The following SNTG2 variants were observed in gnomAD, a reference collection of about 807,000 sequenced individuals.
SNTG2 encodes syntrophin gamma 2.
In SNTG2, 74 loss-of-function variants were observed where a neutral mutation model predicts 70.9. The ratio of observed to expected loss-of-function variants is 1.04; its 90% CI spans 0.86 to 1.27. SNTG2 has a LOEUF of 1.27. Ranked by LOEUF, SNTG2 falls within the 50% of genes most tolerant of loss-of-function variation. SNTG2 has a pLI of 0.00. For synonymous variants in SNTG2, 278 were observed against 273.8 expected (o/e 1.02, Z -0.15); for missense variants, 717 against 690.7 (o/e 1.04, Z -0.43).
intron 1 of SNTG2, among the ~76,000 whole-genome samples, chr2:1,080,982 A>T (rs1664251056): frequency 6.6e-6 from 1 of 152,076 alleles, no homozygotes; most frequent in South Asian, 2.1e-4. Flanking sequence ...TGTCAGTCAT[A>T]GTAACTGGCA....
chr2:997,698 A>T (rs1414803003), intron 1 of SNTG2, among the ~76,000 whole-genome samples: 1 of 152,184 alleles, frequency 6.6e-6, no homozygotes, highest in Non-Finnish European at 1.5e-5. Context: ...AGCTCTGCCA[A>T]ACATAGACCC....
At chr2:1,185,038 A>G (rs1295503294) in intron 8 of SNTG2, among the ~76,000 whole-genome samples, 1 of 152,242 alleles carries the variant, frequency 6.6e-6, no homozygotes, top group Admixed American at 6.5e-5. Context: ...GGCATTGGGT[A>G]AATACACCCA....
At chr2:1,303,168 C>T (rs1680531442) in intron 14 of SNTG2, among the ~76,000 whole-genome samples, 1 of 152,160 alleles carries the variant, frequency 6.6e-6, no homozygotes, top group African/African-American at 2.4e-5. Flanking sequence ...ATGGAATCCC[C>T]CCACCACATA....
intron 1 of SNTG2, among the ~76,000 whole-genome samples, chr2:1,020,638 A>G (rs1438263352): frequency 1.3e-5 from 2 of 152,122 alleles, no homozygotes; most frequent in African/African-American, 4.8e-5. Flanking sequence ...TCCATATTCA[A>G]TTACTAATAT....
chr2:1,298,235 A>G (rs763666749), intron 14 of SNTG2, among the ~76,000 whole-genome samples: 16 of 151,670 alleles, frequency 1.1e-4, no homozygotes, highest in Non-Finnish European at 2.4e-4. Context: ...CAGGCTCAAG[A>G]GAGTCTCGTG....
At chr2:1,007,879 T>C (rs62104284) in intron 1 of SNTG2, among the ~76,000 whole-genome samples, 12,160 of 152,212 alleles carry the variant, frequency 0.08, 678 homozygotes, top group South Asian at 0.21. Context: ...CTCAGCTTCC[T>C]GAATAGCTGG....
intron 2 of SNTG2, 151 bp from the exon 3 acceptor site, chr2:1,098,045 A>ATTACTGTC: frequency 1.3e-6 from 1 of 785,508 alleles, no homozygotes; most frequent in Admixed American, 2.2e-5. Context: ...TAAAGATTTG[A>ATTACTGTC]AATAGTGTCA....
chr2:1,143,895 A>AC (rs1668926597), intron 6 of SNTG2, among the ~76,000 whole-genome samples: 1 of 131,492 alleles, frequency 7.6e-6, no homozygotes, highest in African/African-American at 3.0e-5. Flanking sequence ...ACCCCCCCCC[A>AC]GAAAAAGAAA....
In SNTG2 at chr2:1,221,835, C is replaced by A. The variant is rs1349465840; in HGVS notation, c.719+12605C>A. Among the ~76,000 whole-genome samples the A allele has an allele frequency of 8.4e-4, 7 of 8,356 alleles. 1 individual carries two copies. The highest frequency in any genetic ancestry group is 3.0e-3 in the Admixed American group (2 of 674). 5.5% of individuals were successfully genotyped at this position (8,356 alleles called of 152,430 possible). Reference sequence around the variant, plus strand: ...TCTCGGTCTCTGTCTCTCTCTGTCTCTCTCTGTCTCTGTCTCTGTCTCTGT... The same window carrying A: ...TCTCGGTCTCTGTCTCTCTCTGTCTATCTCTGTCTCTGTCTCTGTCTCTGT... On this transcript the variant is annotated intron_variant, in intron 9 of 16. Transcript: ENST00000308624.
intron 1 of SNTG2, among the ~76,000 whole-genome samples, chr2:998,854 ATG>A (rs1661777995): frequency 6.6e-6 from 1 of 152,116 alleles, no homozygotes; most frequent in Non-Finnish European, 1.5e-5. Flanking sequence ...TCCAAAGACA[ATG>A]TGAAGAAAAA....
chr2:1,283,256 C>A (rs1355460440), intron 14 of SNTG2, among the ~76,000 whole-genome samples: 1 of 152,192 alleles, frequency 6.6e-6, no homozygotes, highest in Non-Finnish European at 1.5e-5. Context: ...AGTCACCTCT[C>A]ACCAATCTTC....
chr2:1,064,302 T>C (rs1663012809), intron 1 of SNTG2, among the ~76,000 whole-genome samples: 1 of 151,966 alleles, frequency 6.6e-6, no homozygotes, highest in Admixed American at 6.6e-5. Context: ...TACTTCAGAC[T>C]GAAAGGAAAT....
intron 4 of SNTG2, among the ~76,000 whole-genome samples, chr2:1,123,706 T>A (rs13420844): frequency 0.47 from 71,441 of 152,072 alleles, 17,777 homozygotes; most frequent in East Asian, 0.66. Context: ...AATAGATAAA[T>A]TGGACTACAT....
intron 15 of SNTG2, among the ~76,000 whole-genome samples, chr2:1,310,211 T>C (rs1680912082): frequency 6.6e-6 from 1 of 152,206 alleles, no homozygotes; most frequent in African/African-American, 2.4e-5. Context: ...GTCCCTCCAC[T>C]GGAAGGAGCC....
At chr2:1,326,805 C>G (rs774412549) in intron 16 of SNTG2, among the ~76,000 whole-genome samples, 3 of 152,136 alleles carry the variant, frequency 2.0e-5, no homozygotes, top group Non-Finnish European at 4.4e-5. Flanking sequence ...ATAAAATTTT[C>G]ATAAATATTT....
At chr2:1,131,897 G>A (rs528080785) in intron 4 of SNTG2, among the ~76,000 whole-genome samples, 8 of 152,112 alleles carry the variant, frequency 5.3e-5, no homozygotes, top group East Asian at 1.9e-4. Context: ...TGATCCGCCC[G>A]CCTCAGCCTC....
intron 1 of SNTG2, among the ~76,000 whole-genome samples, chr2:1,070,324 C>G (rs1663447642): frequency 6.6e-6 from 1 of 152,050 alleles, no homozygotes; most frequent in Non-Finnish European, 1.5e-5. Flanking sequence ...GATGTGGGCT[C>G]CCGTTCAGAT....
chr2:1,036,138 C>T (rs1323709566), intron 1 of SNTG2, among the ~76,000 whole-genome samples: 1 of 152,164 alleles, frequency 6.6e-6, no homozygotes, highest in Non-Finnish European at 1.5e-5. Context: ...GCATCAGCTT[C>T]TGCTGACAGA....
chr2:1,070,237 T>C (rs1451311456), intron 1 of SNTG2, among the ~76,000 whole-genome samples: 1 of 152,034 alleles, frequency 6.6e-6, no homozygotes, highest in Non-Finnish European at 1.5e-5. Flanking sequence ...CGCTCTCTCT[T>C]ATTTCATCTC....
Sources: allele counts gnomAD v4.1 joint callset (sites outside exome capture counted in the v4.1 genomes callset), GRCh38; gene constraint gnomAD v4.1.1; transcripts MANE v1.5; gene names NCBI Gene and HGNC (gene_info 2026-07-23, HGNC 2026-07-21).